The following PCIF1 variants were observed in gnomAD, a reference collection of about 807,000 sequenced individuals.
The protein encoded by PCIF1 is mRNA (2'-O-methyladenosine-N(6)-)-methyltransferase.
PCIF1 carries 12 observed loss-of-function variants against 86.9 expected under a neutral mutation model. That is an observed-to-expected ratio of 0.14 (90% CI 0.09 to 0.22). The LOEUF is 0.22. Ranked by LOEUF, PCIF1 falls within the 10% of genes least tolerant of loss-of-function variation. The pLI, the probability that PCIF1 is intolerant of heterozygous loss-of-function variation, is 1.00. For missense variants in PCIF1, 701 were observed against 951.1 expected (o/e 0.74, Z 3.46); for synonymous variants, 397 against 372.0 (o/e 1.07, Z -0.77).
In PCIF1 at chr20:45,941,178, A is replaced by G. The variant is rs774233890; in HGVS notation, c.644A>G (p.His215Arg). ...RSQLILKLRQ[H>R]YRELCQQREG... ...CAGCTCATCCTGAAGCTTCGGCAGC[A>G]CTATCGGGAGCTGTGCCAGCAGCGA... The change falls in exon 7 of 17, where the codon CAC becomes CGC. Residue 215 changes from histidine (H) to arginine (R), a missense_variant. By Grantham distance (29) the His-to-Arg change is conservative (BLOSUM62 0). Transcript: ENST00000372409. The G allele has an allele frequency of 6.2e-6, 10 of 1,613,216 alleles. No individual in the cohort carries two copies. The highest frequency in any genetic ancestry group is 8.5e-6 in the Non-Finnish European group (10 of 1,179,532).
chr20:45,939,373 G>A (rs2083451099), intron 4 of PCIF1, 34 bp downstream of exon 4: 5 of 1,610,764 alleles, frequency 3.1e-6, no homozygotes, highest in Non-Finnish European at 4.2e-6. Context: ...GGGTCTCAGA[G>A]TGGCCTCTGG....
intron 6 of PCIF1, 44 bp from the exon 7 acceptor site, chr20:45,941,009 G>A (rs901121455): frequency 5.0e-6 from 8 of 1,614,182 alleles, no homozygotes; most frequent in Non-Finnish European, 5.9e-6. Context: ...GTGGGGTGGT[G>A]TGGGTGGGCA....
Position 45,934,684 on chromosome 20 carries a change from C to A in PCIF1, c.-308C>A, listed in dbSNP as rs747413599. 75 of 398,434 alleles carry A rather than the reference C, an allele frequency of 1.9e-4. No individual in the cohort carries two copies. Among genetic ancestry groups the A allele is most frequent in the Non-Finnish European group, 3.2e-4 (72 of 225,730 alleles). The allele number at this position is 398,434 out of a possible 1,614,324, so 24.7% of individuals were successfully genotyped here. A position where few individuals can be genotyped will look rare whatever the true frequency, so the allele number is the denominator to read the frequency against. On this transcript the variant is annotated 5_prime_UTR_variant, in exon 1 of 17. Coordinates refer to ENST00000372409, the MANE Select transcript of PCIF1 (RefSeq NM_022104.4). Reference sequence around the variant, plus strand: ...AGGCGGTACCAGCGCATGCGCAGCGCGGAGTCCCGGCCCGGGACACAAGAT... The same window carrying A: ...AGGCGGTACCAGCGCATGCGCAGCGAGGAGTCCCGGCCCGGGACACAAGAT...
At chr20:45,938,107 G>A (rs1018485489) in intron 2 of PCIF1, 1 of 152,298 alleles carries the variant, frequency 6.6e-6, no homozygotes, top group Non-Finnish European at 1.5e-5. Context: ...GACAGCCCCA[G>A]GCCAGAAGCA....
At position 45,943,523 on chromosome 20, in the gene PCIF1, G is replaced by C; in HGVS notation, c.905+100G>C. 7.3e-7 allele frequency: 1 copy of C among 1,361,654 alleles called. No individual in the cohort carries two copies. The highest frequency in any genetic ancestry group is 1.0e-6 in the Non-Finnish European group (1 of 980,812). The allele number at this position is 1,361,654 out of a possible 1,614,324, so 84.3% of individuals were successfully genotyped here. On this transcript the variant is annotated intron_variant, in intron 9 of 16. Transcript: ENST00000372409. The surrounding 1 kb of genome is among the most constrained non-coding windows in gnomAD (Gnocchi z 5.5). ...TCATGCAGGGCTGTCATTGCTCTCG[G>C]TGGCAGAAGTGGGGCCAGCTCCCAA...
intron 1 of PCIF1, among the ~76,000 whole-genome samples, chr20:45,935,236 C>T (rs994948942): frequency 6.6e-6 from 1 of 151,738 alleles, no homozygotes; most frequent in African/African-American, 2.4e-5. Flanking sequence ...CGCCTTCGTG[C>T]GCCGTCGCGC....
Position 45,947,175 on chromosome 20 carries a change from A to G in PCIF1, c.1707+9A>G, listed in dbSNP as rs35726128. 1 of 1,610,580 alleles carries G rather than the reference A, an allele frequency of 6.2e-7. No homozygotes were observed. Among genetic ancestry groups the G allele is most frequent in the Non-Finnish European group, 8.5e-7 (1 of 1,177,270 alleles). On this transcript the variant is annotated intron_variant, in intron 15 of 16. Coordinates refer to ENST00000372409, the MANE Select transcript of PCIF1 (RefSeq NM_022104.4). The surrounding 1 kb of genome is among the most constrained non-coding windows in gnomAD (Gnocchi z 5.4). ...TGGTCTCTCACTTTGAGGTGGGTGC[A>G]CTGCCAGGGTGAGAGGTGGGCAACA... is the stretch of plus-strand genomic sequence containing the variant.
chr20:45,945,996 C>G, intron 12 of PCIF1, 33 bp from the exon 13 acceptor site: 1 of 1,613,172 alleles, frequency 6.2e-7, no homozygotes, highest in South Asian at 1.1e-5. Context: ...GGGAGCACTG[C>G]TGAAGGCTCC....
intron 10 of PCIF1, among the ~76,000 whole-genome samples, chr20:45,944,392 C>A (rs980038528): frequency 6.6e-6 from 1 of 152,216 alleles, no homozygotes; most frequent in Non-Finnish European, 1.5e-5. Flanking sequence ...AGCAAAATTA[C>A]AAATCCCGAC....
chr20:45,938,911 G>A, intron 2 of PCIF1, 70 bp from the exon 3 acceptor site: 1 of 1,573,996 alleles, frequency 6.4e-7, no homozygotes, highest in East Asian at 2.2e-5. Context: ...GTGGTCACTG[G>A]GGCCCTGGGT....
chr20:45,937,599 G>A lies in PCIF1; in HGVS notation c.-20+14G>A, dbSNP rs45570645. The A allele has an allele frequency of 4.1e-3, 1,650 of 398,794 alleles. 11 individuals carry two copies. The highest frequency in any genetic ancestry group is 4.9e-3 in the Non-Finnish European group (1,097 of 226,060). 24.7% of individuals were successfully genotyped at this position (398,794 alleles called of 1,614,324 possible). ...AGACCCCAGAGGGTGAGAGAAAGGGGGACTTCATTCAGTCTTGAAACCTGT... is the reference window on the plus strand; with the variant it reads ...AGACCCCAGAGGGTGAGAGAAAGGGAGACTTCATTCAGTCTTGAAACCTGT... On this transcript the variant is annotated intron_variant, in intron 2 of 16. Coordinates refer to ENST00000372409, the MANE Select transcript of PCIF1 (RefSeq NM_022104.4).
rs781404499 is a variant in PCIF1 at position 45,940,789 on chromosome 20, C to T, written c.388-20C>T. On this transcript the variant is annotated intron_variant, in intron 5 of 16. Coordinates refer to ENST00000372409, the MANE Select transcript of PCIF1 (RefSeq NM_022104.4). Reference sequence around the variant, plus strand: ...TCTGGTGAATCTCCTGACTTGACACCTTTGTGACTTTCACTACAGATTGAA... The same window carrying T: ...TCTGGTGAATCTCCTGACTTGACACTTTTGTGACTTTCACTACAGATTGAA... 1.2e-6 allele frequency: 2 copies of T among 1,607,534 alleles called. No individual in the cohort carries two copies. Among genetic ancestry groups the T allele is most frequent in the Non-Finnish European group, 1.7e-6 (2 of 1,178,132 alleles).
In PCIF1 at chr20:45,943,435, T is replaced by A. The variant is rs1335592314; in HGVS notation, c.905+12T>A. On this transcript the variant is annotated intron_variant, in intron 9 of 16. Coordinates refer to ENST00000372409, the MANE Select transcript of PCIF1 (RefSeq NM_022104.4). This position sits in a 1 kb window ranked among gnomAD's most constrained non-coding sequence, Gnocchi z 5.5. The stretch of plus-strand genomic sequence containing the variant: ...CTCATCGAGTCCAGGTTTGCCTGTC[T>A]TCTGCCCCAGGCGAGATGGGTCTGT... 2 of 1,610,874 alleles carry A rather than the reference T, an allele frequency of 1.2e-6. No individual in the cohort carries two copies. The highest frequency in any genetic ancestry group is 3.3e-5 in the Admixed American group (2 of 59,958).
chr20:45,940,925 C>A lies in PCIF1; in HGVS notation c.504C>A (p.Leu168=). ...TSPEDKQQAA[L]LRPTEVYWDL... is the part of the protein sequence containing the mutation. ...CTGAAGATAAACAGCAGGCAGCTCTCCTACGACCCACTGAGTGAGTCCCTG... is the reference window on the plus strand; with the variant it reads ...CTGAAGATAAACAGCAGGCAGCTCTACTACGACCCACTGAGTGAGTCCCTG... Residue 168 remains leucine (L), a synonymous_variant, in exon 6 of 17, where the codon CTC becomes CTA. Transcript: ENST00000372409. 1 of 1,614,164 alleles carries A rather than the reference C, an allele frequency of 6.2e-7. No homozygotes were observed. The highest frequency in any genetic ancestry group is 8.5e-7 in the Non-Finnish European group (1 of 1,180,022).
chr20:45,936,650 G>C (rs369343041), intron 1 of PCIF1, among the ~76,000 whole-genome samples: 7 of 151,360 alleles, frequency 4.6e-5, no homozygotes, highest in African/African-American at 1.5e-4. Context: ...TTTTATTTGG[G>C]CCCGGCGCAG....
Position 45,946,119 on chromosome 20 carries a change from CA to C in PCIF1, c.1428+5del. 1 of 1,614,170 alleles carries C rather than the reference CA, an allele frequency of 6.2e-7. No individual in the cohort carries two copies. Among genetic ancestry groups the C allele is most frequent in the Non-Finnish European group, 8.5e-7 (1 of 1,180,024 alleles). ...GTGTCTTCTCCGACGGTACCAGGTACAGGCCTGGGGCAGCAGGGAGGGCTCC... is the reference window on the plus strand; with the variant it reads ...GTGTCTTCTCCGACGGTACCAGGTACGGCCTGGGGCAGCAGGGAGGGCTCC... On this transcript the variant is annotated splice_donor_5th_base_variant and intron_variant, in intron 13 of 16. Coordinates refer to ENST00000372409, the MANE Select transcript of PCIF1 (RefSeq NM_022104.4).
rs572609722 is a variant in PCIF1, at chr20:45,940,131, A to G, written c.250-344A>G. On this transcript the variant is annotated intron_variant, in intron 4 of 16. Coordinates refer to ENST00000372409, the MANE Select transcript of PCIF1 (RefSeq NM_022104.4). ...TTTGAGCTTTTCATTTATTCCTCAC[A>G]TTCATTCTGTTCTTGAGGAAAATAA... 3.8e-4 allele frequency among the ~76,000 whole-genome samples: 58 copies of G among 152,308 alleles called. 1 individual carries two copies. Among genetic ancestry groups the G allele is most frequent in the Admixed American group, 3.5e-3 (53 of 15,306 alleles).
At position 45,947,173 on chromosome 20, in the gene PCIF1, G is replaced by A. The variant is rs2083536342; in HGVS notation, c.1707+7G>A. The stretch of plus-strand genomic sequence containing the variant: ...CATGGTCTCTCACTTTGAGGTGGGT[G>A]CACTGCCAGGGTGAGAGGTGGGCAA... On this transcript the variant is annotated splice_region_variant and intron_variant, in intron 15 of 16. Transcript: ENST00000372409. This position sits in a 1 kb window ranked among gnomAD's most constrained non-coding sequence, Gnocchi z 5.4. 3.7e-6 allele frequency: 6 copies of A among 1,611,128 alleles called. No homozygotes were observed. Among genetic ancestry groups the A allele is most frequent in the Non-Finnish European group, 5.1e-6 (6 of 1,177,700 alleles).
At chr20:45,937,740 T>C (rs2083438671) in intron 2 of PCIF1, 155 bp downstream of exon 2, 1 of 396,902 alleles carries the variant, frequency 2.5e-6, no homozygotes, top group Non-Finnish European at 4.4e-6. Flanking sequence ...GCACTTTTTG[T>C]TGTACATATG....
Sources: allele counts gnomAD v4.1 joint callset (sites outside exome capture counted in the v4.1 genomes callset), GRCh38; gene constraint gnomAD v4.1.1; non-coding constraint Gnocchi (gnomAD v3.1); transcripts MANE v1.5; gene names NCBI Gene and HGNC (gene_info 2026-07-23, HGNC 2026-07-21).